Variants in GPC6 observed in about 807,000 individuals in gnomAD.
GPC6 encodes glypican-6.
In GPC6, 14 loss-of-function variants were observed where a neutral mutation model predicts 55.2. The observed-to-expected ratio is 0.25, with a 90% CI of 0.17 to 0.40. The LOEUF (loss-of-function observed/expected upper bound fraction) is 0.40, where lower values mean the gene tolerates loss of function less well. Ranked by LOEUF, GPC6 falls within the 10% of genes least tolerant of loss-of-function variation. The pLI, the probability that GPC6 is intolerant of heterozygous loss-of-function variation, is 1.00. For synonymous variants in GPC6, 278 were observed against 259.6 expected (o/e 1.07, Z -0.68); for missense variants, 641 against 708.5 (o/e 0.90, Z 1.08).
At chr13:93,596,391 T>A (rs1432073932) in intron 2 of GPC6, among the ~76,000 whole-genome samples, 1 of 151,200 alleles carries the variant, frequency 6.6e-6, no homozygotes, top group African/African-American at 2.4e-5. Flanking sequence ...ATGAGACGAG[T>A]TAGGGGGAAT....
intron 4 of GPC6, among the ~76,000 whole-genome samples, chr13:94,216,215 C>T (rs1890222203): frequency 6.6e-6 from 1 of 152,158 alleles, no homozygotes; most frequent in South Asian, 2.1e-4. Context: ...TTGACTTCTC[C>T]TAAGGTATCA....
intron 1 of GPC6, among the ~76,000 whole-genome samples, chr13:93,443,120 C>T (rs1877866468): frequency 6.6e-6 from 1 of 152,086 alleles, no homozygotes. Context: ...AACTGTTTAT[C>T]CTTAGATAAC....
intron 2 of GPC6, among the ~76,000 whole-genome samples, chr13:93,656,780 A>G (rs536824393): frequency 7.0e-4 from 106 of 152,216 alleles, no homozygotes; most frequent in African/African-American, 2.3e-3. Context: ...TCAATGTGCA[A>G]AAATCACTAG....
intron 2 of GPC6, among the ~76,000 whole-genome samples, chr13:93,723,308 T>A (rs559457842): frequency 1.3e-5 from 2 of 152,050 alleles, no homozygotes; most frequent in East Asian, 3.9e-4. Flanking sequence ...TTGATGCTGA[T>A]GTTTCCTATG....
intron 2 of GPC6, among the ~76,000 whole-genome samples, chr13:93,817,668 G>A (rs1423392598): frequency 1.3e-5 from 2 of 151,986 alleles, no homozygotes; most frequent in Non-Finnish European, 2.9e-5. Context: ...AGATCAGCCT[G>A]GGCAACATGG....
At chr13:93,963,098 T>C (rs1879862102) in intron 3 of GPC6, among the ~76,000 whole-genome samples, 1 of 152,176 alleles carries the variant, frequency 6.6e-6, no homozygotes, top group South Asian at 2.1e-4. Context: ...TGCTTAGGTA[T>C]TACTTTTATA....
chr13:94,044,462 C>T (rs566463856), intron 4 of GPC6, among the ~76,000 whole-genome samples: 1 of 151,780 alleles, frequency 6.6e-6, no homozygotes, highest in African/African-American at 2.4e-5. Context: ...AGAAGTTATT[C>T]CAGATCAGTT....
chr13:93,761,913 A>G (rs1884967272), intron 2 of GPC6, among the ~76,000 whole-genome samples: 1 of 152,146 alleles, frequency 6.6e-6, no homozygotes, highest in African/African-American at 2.4e-5. Flanking sequence ...GGAAATATAC[A>G]TTATTATTAA....
intron 3 of GPC6, among the ~76,000 whole-genome samples, chr13:93,923,894 C>G (rs58865845): frequency 6.6e-6 from 1 of 152,132 alleles, no homozygotes; most frequent in Non-Finnish European, 1.5e-5. Flanking sequence ...ATCTATCCTC[C>G]TTACTTATTA....
chr13:93,265,293 T>C (rs1846141771), intron 1 of GPC6, among the ~76,000 whole-genome samples: 1 of 152,218 alleles, frequency 6.6e-6, no homozygotes, highest in South Asian at 2.1e-4. Context: ...GTATTTAATA[T>C]ATATCAACAT....
At position 94,248,683 on chromosome 13, in the gene GPC6, G is replaced by T. The variant is rs1243624095; in HGVS notation, c.878-37666G>T. 2.0e-5 allele frequency among the ~76,000 whole-genome samples: 3 copies of T among 151,922 alleles called. No homozygotes were observed. In the East Asian group the frequency reaches 5.8e-4, roughly 29 times the overall value. On this transcript the variant is annotated intron_variant, in intron 4 of 8. Coordinates refer to ENST00000377047, the MANE Select transcript of GPC6 (RefSeq NM_005708.5). ...CATGACCATTTCAGGCTGAGAGAGA[G>T]AGAGAGAGAGAGAGGTTTATAAATT...
At chr13:93,920,322 C>T (rs948445674) in intron 3 of GPC6, among the ~76,000 whole-genome samples, 4 of 152,060 alleles carry the variant, frequency 2.6e-5, no homozygotes, top group Non-Finnish European at 5.9e-5. Flanking sequence ...TCCCTTCTTT[C>T]CCTCTGTAGT....
chr13:94,192,549 A>G (rs1457498870), intron 4 of GPC6, among the ~76,000 whole-genome samples: 2 of 152,326 alleles, frequency 1.3e-5, no homozygotes, highest in East Asian at 1.9e-4. Flanking sequence ...CGTGCCAGTA[A>G]AATATGAGCC....
chr13:93,906,776 G>A (rs1402871986), intron 3 of GPC6, among the ~76,000 whole-genome samples: 1 of 152,130 alleles, frequency 6.6e-6, no homozygotes, highest in African/African-American at 2.4e-5. Context: ...ATAGCTCTAA[G>A]ATACTCAGCT....
intron 4 of GPC6, among the ~76,000 whole-genome samples, chr13:94,231,350 G>T (rs546814616): frequency 6.6e-6 from 1 of 152,104 alleles, no homozygotes; most frequent in Non-Finnish European, 1.5e-5. Flanking sequence ...AATTAAAAAC[G>T]ATCCTATTGG....
chr13:93,474,585 C>T (rs769176678), intron 1 of GPC6, among the ~76,000 whole-genome samples: 3 of 152,142 alleles, frequency 2.0e-5, no homozygotes, highest in Non-Finnish European at 4.4e-5. Context: ...TCTGGAACCC[C>T]AGTGTGTTGA....
intron 1 of GPC6, among the ~76,000 whole-genome samples, chr13:93,295,753 G>C (rs1425125005): frequency 1.3e-5 from 2 of 152,026 alleles, no homozygotes; most frequent in African/African-American, 4.8e-5. Flanking sequence ...TGTCATCCAG[G>C]AGGGAGTGCA....
chr13:94,015,285 T>C (rs1882416808), intron 3 of GPC6, among the ~76,000 whole-genome samples: 2 of 152,168 alleles, frequency 1.3e-5, no homozygotes, highest in African/African-American at 4.8e-5. Context: ...TAATTAATGA[T>C]GTTGAGCATG....
chr13:93,317,665 C>CT (rs1478809378), intron 1 of GPC6, among the ~76,000 whole-genome samples: 3 of 152,122 alleles, frequency 2.0e-5, no homozygotes, highest in African/African-American at 7.2e-5. Context: ...CCTACATTTA[C>CT]TTTTTTATCA....
Sources: gnomAD v4.1 joint callset for allele counts (sites outside exome capture counted in the v4.1 genomes callset) on GRCh38, gnomAD v4.1.1 for gene constraint, MANE v1.5 for transcripts, NCBI Gene and HGNC (gene_info 2026-07-23, HGNC 2026-07-21) for gene names.